Variants in KIAA0825 observed in about 807,000 individuals in gnomAD.
KIAA0825 encodes uncharacterized protein KIAA0825.
KIAA0825 carries 119 observed loss-of-function variants against 147.6 expected under a neutral mutation model. The ratio of observed to expected loss-of-function variants is 0.81; its 90% CI spans 0.69 to 0.94. The LOEUF (loss-of-function observed/expected upper bound fraction) is 0.94. KIAA0825 is among the 40% of genes least tolerant of loss of function. The pLI, the probability that KIAA0825 is intolerant of heterozygous loss-of-function variation, is 0.00. For missense variants in KIAA0825, 1,381 were observed against 1,472.7 expected (o/e 0.94, Z 1.02); for synonymous variants, 470 against 518.1 (o/e 0.91, Z 1.26).
At chr5:94,307,540 A>G (rs1331844094) in intron 20 of KIAA0825, among the ~76,000 whole-genome samples, 3 of 151,700 alleles carry the variant, frequency 2.0e-5, no homozygotes, top group East Asian at 3.9e-4. Context: ...TTCTATTTCA[A>G]CAAATGATTT....
intron 13 of KIAA0825, among the ~76,000 whole-genome samples, chr5:94,449,791 T>C (rs1451527712): frequency 6.6e-6 from 1 of 152,134 alleles, no homozygotes; most frequent in Non-Finnish European, 1.5e-5. Flanking sequence ...AAAAAATGTA[T>C]TCACAGGCCG....
chr5:94,416,014 C>T (rs1045608954), intron 15 of KIAA0825: 7 of 152,128 alleles, frequency 4.6e-5, no homozygotes, highest in African/African-American at 1.7e-4. Context: ...GCAGAACTTT[C>T]AAGTTCGTTT....
chr5:94,470,158 A>G (rs1761035763), intron 9 of KIAA0825, 47 bp from the exon 10 acceptor site: 1 of 1,416,682 alleles, frequency 7.1e-7, no homozygotes, highest in African/African-American at 1.4e-5. Flanking sequence ...AGGCCTGTGC[A>G]GTAGGAGATA....
chr5:94,178,756 A>T (rs900922748), intron 20 of KIAA0825, among the ~76,000 whole-genome samples: 1 of 152,072 alleles, frequency 6.6e-6, no homozygotes, highest in Admixed American at 6.6e-5. Flanking sequence ...TTGGCCATGT[A>T]TTAAAAAGTT....
chr5:94,393,456 G>T (rs1750184389), intron 17 of KIAA0825, among the ~76,000 whole-genome samples: 1 of 152,170 alleles, frequency 6.6e-6, no homozygotes, highest in South Asian at 2.1e-4. Flanking sequence ...CAGGCAGTAT[G>T]CAAGACAGGC....
intron 5 of KIAA0825, among the ~76,000 whole-genome samples, chr5:94,509,867 C>T (rs1024546805): frequency 2.6e-5 from 4 of 152,102 alleles, no homozygotes; most frequent in African/African-American, 9.7e-5. Flanking sequence ...GTGATCATGA[C>T]TAAGAAAAAC....
At chr5:94,238,123 C>T (rs542117735) in intron 20 of KIAA0825, among the ~76,000 whole-genome samples, 11 of 152,066 alleles carry the variant, frequency 7.2e-5, no homozygotes, top group Non-Finnish European at 1.2e-4. Flanking sequence ...AAAAATATAA[C>T]GATGGCTGTA....
rs773456189 is a variant in KIAA0825, at chr5:94,154,143, C to A, written c.3711-19G>T. The A allele has an allele frequency of 4.7e-6, 7 of 1,476,876 alleles. No individual in the cohort carries two copies. The highest frequency in any genetic ancestry group is 2.0e-5 in the Admixed American group (1 of 50,872). The allele number at this position is 1,476,876 out of a possible 1,614,324, so 91.5% of individuals were successfully genotyped here. A position where few individuals can be genotyped will look rare whatever the true frequency, so the allele number is the denominator to read the frequency against. On this transcript the variant is annotated intron_variant, in intron 20 of 20. Coordinates refer to ENST00000682413, the MANE Select transcript of KIAA0825 (RefSeq NM_001145678.3). The stretch of plus-strand genomic sequence containing the variant: ...TTCCCACCTAAAAGAAAAATCACAT[C>A]TTAGCATTTTTGTAACTTTCAAACC...
chr5:94,421,105 A>G (rs573244238), intron 14 of KIAA0825, among the ~76,000 whole-genome samples: 1 of 152,026 alleles, frequency 6.6e-6, no homozygotes, highest in South Asian at 2.1e-4. Context: ...GGGTTGGCAA[A>G]TTTTTTCTAT....
Position 94,373,373 on chromosome 5 carries a change from T to C in KIAA0825, c.3710+10995A>G, listed in dbSNP as rs78704391. Among the ~76,000 whole-genome samples, 984 of 152,320 alleles carry C rather than the reference T, an allele frequency of 6.5e-3. 13 individuals carry two copies. The highest frequency in any genetic ancestry group is 0.022 in the African/African-American group (922 of 41,562). ...TGAAGACAGACCCAAGACTGGGTAT[T>C]TCTAAAGGAAAGAAGTTTTTTATAA... On this transcript the variant is annotated intron_variant, in intron 20 of 20. Coordinates refer to ENST00000682413, the MANE Select transcript of KIAA0825 (RefSeq NM_001145678.3).
intron 20 of KIAA0825, among the ~76,000 whole-genome samples, chr5:94,218,628 G>A (rs995054602): frequency 1.3e-5 from 2 of 152,162 alleles, no homozygotes; most frequent in African/African-American, 4.8e-5. Flanking sequence ...GAGGAAAAGG[G>A]AGATTGCCAA....
At chr5:94,255,602 A>T (rs1472100459) in intron 20 of KIAA0825, among the ~76,000 whole-genome samples, 1 of 151,698 alleles carries the variant, frequency 6.6e-6, no homozygotes, top group Non-Finnish European at 1.5e-5. Context: ...TTTATTTTTT[A>T]AAATTATTAG....
chr5:94,589,301 C>A (rs1350311291), intron 1 of KIAA0825, among the ~76,000 whole-genome samples: 1 of 152,172 alleles, frequency 6.6e-6, no homozygotes, highest in Admixed American at 6.5e-5. Flanking sequence ...TGGTGTGGGT[C>A]CATGGACTAC....
Position 94,537,090 on chromosome 5 carries a change from C to A in KIAA0825, c.37G>T (p.Asp13Tyr). The A allele has an allele frequency of 5.0e-6, 8 of 1,611,060 alleles. No individual in the cohort carries two copies. Among genetic ancestry groups the A allele is most frequent in the Admixed American group, 1.7e-5 (1 of 59,784 alleles). The part of the protein sequence containing the change: ...WDDEYSHNSF[D>Y]LHCLLNSFPG... ...AATGAGTTTAACAAACAATGTAGGT[C>A]AAAAGAATTATGAGAATATTCATCA... is the stretch of plus-strand genomic sequence containing the variant. Residue 13 changes from aspartate (D) to tyrosine (Y), a missense_variant, in exon 3 of 21, where the codon GAC becomes TAC. By Grantham distance (160) the Asp-to-Tyr change is radical (BLOSUM62 -3). Transcript: ENST00000682413.
chr5:94,585,743 C>A (rs1351412477), intron 1 of KIAA0825, among the ~76,000 whole-genome samples: 1 of 152,150 alleles, frequency 6.6e-6, no homozygotes, highest in African/African-American at 2.4e-5. Flanking sequence ...ATACATTCTT[C>A]TCAGCACCAC....
intron 14 of KIAA0825, among the ~76,000 whole-genome samples, chr5:94,432,452 G>A (rs1755807379): frequency 6.6e-6 from 1 of 152,078 alleles, no homozygotes. Context: ...GAATCTAAAT[G>A]GTAACTCTTT....
At chr5:94,587,481 T>A (rs1338603286) in intron 1 of KIAA0825, among the ~76,000 whole-genome samples, 1 of 152,098 alleles carries the variant, frequency 6.6e-6, no homozygotes, top group African/African-American at 2.4e-5. Flanking sequence ...GAATCCAGCT[T>A]ACAAGGGATG....
chr5:94,225,692 C>T (rs533795854), intron 20 of KIAA0825, among the ~76,000 whole-genome samples: 1 of 152,262 alleles, frequency 6.6e-6, no homozygotes, highest in Admixed American at 6.5e-5. Flanking sequence ...TTGGACTTGC[C>T]AGCCTCCTGA....
intron 5 of KIAA0825, among the ~76,000 whole-genome samples, chr5:94,498,119 C>T (rs1382931812): frequency 1.3e-5 from 2 of 152,158 alleles, no homozygotes; most frequent in South Asian, 2.1e-4. Flanking sequence ...TTATTTTCTG[C>T]TCAAAAGACT....
Sources: allele counts gnomAD v4.1 joint callset (sites outside exome capture counted in the v4.1 genomes callset), GRCh38; gene constraint gnomAD v4.1.1; transcripts MANE v1.5; gene names NCBI Gene and HGNC (gene_info 2026-07-23, HGNC 2026-07-21).